The following ZNF804B variants were observed in gnomAD, a reference collection of about 807,000 sequenced individuals.
ZNF804B encodes the protein zinc finger protein 804B.
Under a neutral mutation model 101.4 loss-of-function variants are expected in ZNF804B, and 80 were observed. The ratio of observed to expected loss-of-function variants is 0.79; its 90% confidence interval spans 0.66 to 0.95. ZNF804B has a LOEUF of 0.95. Among genes scored for constraint, ZNF804B ranks in the 40% least tolerant of loss-of-function variants. The pLI, the probability that ZNF804B is intolerant of heterozygous loss-of-function variation, is 0.00. For missense variants in ZNF804B, 1,673 were observed against 1,561.9 expected, an observed-to-expected ratio of 1.07 and a Z score of -1.20; for synonymous variants, 622 against 558.8, an observed-to-expected ratio of 1.11 and a Z score of -1.59.
intron 1 of ZNF804B, among the ~76,000 whole-genome samples, chr7:88,958,180 T>A (rs1318008653): frequency 6.6e-6 from 1 of 151,444 alleles, no homozygotes; most frequent in Non-Finnish European, 1.5e-5. Context: ...TCTAGAATTT[T>A]CCTTAGAAAT....
intron 1 of ZNF804B, among the ~76,000 whole-genome samples, chr7:89,047,596 G>A (rs981231568): frequency 1.3e-5 from 2 of 152,176 alleles, no homozygotes; most frequent in Non-Finnish European, 2.9e-5. Flanking sequence ...GAATGAGGTA[G>A]CCAAATATAA....
intron 1 of ZNF804B, among the ~76,000 whole-genome samples, chr7:88,829,716 C>T: frequency 6.6e-6 from 1 of 151,986 alleles, no homozygotes; most frequent in East Asian, 1.9e-4. Context: ...CTTGTGTAGC[C>T]TGGAAACATT....
chr7:88,776,129 T>C (rs1790136551), intron 1 of ZNF804B, among the ~76,000 whole-genome samples: 1 of 152,176 alleles, frequency 6.6e-6, no homozygotes, highest in African/African-American at 2.4e-5. Flanking sequence ...TTGCAGGCAG[T>C]GAATGAGCTA....
chr7:88,829,720 A>T (rs1488871696), intron 1 of ZNF804B, among the ~76,000 whole-genome samples: 1 of 152,128 alleles, frequency 6.6e-6, no homozygotes, highest in Admixed American at 6.6e-5. Flanking sequence ...TGTAGCCTGG[A>T]AACATTCATT....
At position 89,335,138 on chromosome 7, in the gene ZNF804B, T is replaced by C; in HGVS notation, c.2156T>C (p.Met719Thr). The C allele has an allele frequency of 1.2e-6, 2 of 1,613,890 alleles. No individual in the cohort carries two copies. The change falls in exon 4 of 4, where the codon ATG becomes ACG. Residue 719 changes from methionine to threonine, a missense_variant. Transcript: ENST00000333190. ...SSSLDTSPSS[M>T]SSLRSTCSSH... ...TCTTTGGACACATCCCCTAGCAGCA[T>C]GTCTAGCTTGAGAAGTACTTGTTCA...
At chr7:88,890,102 G>C (rs1218185871) in intron 1 of ZNF804B, among the ~76,000 whole-genome samples, 2 of 152,032 alleles carry the variant, frequency 1.3e-5, no homozygotes, top group African/African-American at 4.8e-5. Context: ...TTTGAATTAG[G>C]AGTAATTTTA....
At chr7:89,155,602 A>G (rs982713809) in intron 1 of ZNF804B, among the ~76,000 whole-genome samples, 1 of 152,130 alleles carries the variant, frequency 6.6e-6, no homozygotes, top group African/African-American at 2.4e-5. Flanking sequence ...TGAATCAGGT[A>G]TGTATCATGG....
intron 1 of ZNF804B, among the ~76,000 whole-genome samples, chr7:88,877,605 T>C (rs1791972870): frequency 6.6e-6 from 1 of 152,092 alleles, no homozygotes; most frequent in Admixed American, 6.6e-5. Flanking sequence ...GATTGTGGCC[T>C]AGTTACTTAG....
At chr7:88,918,440 T>C (rs1792668354) in intron 1 of ZNF804B, among the ~76,000 whole-genome samples, 1 of 152,148 alleles carries the variant, frequency 6.6e-6, no homozygotes, top group South Asian at 2.1e-4. Context: ...ATTTTATGAT[T>C]TTCGCATGAG....
chr7:89,109,036 G>A (rs1001106493), intron 1 of ZNF804B, among the ~76,000 whole-genome samples: 9 of 152,064 alleles, frequency 5.9e-5, no homozygotes, highest in Non-Finnish European at 1.2e-4. Context: ...TCTATTAATA[G>A]GGATGAAGTA....
At chr7:89,230,087 A>G (rs957659277) in intron 2 of ZNF804B, among the ~76,000 whole-genome samples, 2 of 152,138 alleles carry the variant, frequency 1.3e-5, no homozygotes, top group African/African-American at 4.8e-5. Context: ...AAGAAATATC[A>G]AAAATTGATA....
chr7:88,911,686 A>G (rs1792552423), intron 1 of ZNF804B, among the ~76,000 whole-genome samples: 1 of 151,520 alleles, frequency 6.6e-6, no homozygotes, highest in Non-Finnish European at 1.5e-5. Flanking sequence ...AATAAAATGA[A>G]GATCTTAAGT....
intron 2 of ZNF804B, among the ~76,000 whole-genome samples, chr7:89,277,346 A>G (rs1019472047): frequency 2.0e-5 from 3 of 148,262 alleles, no homozygotes; most frequent in Non-Finnish European, 3.0e-5. Context: ...TTATTATTAT[A>G]CTTTAAGTTT....
chr7:89,095,167 C>T (rs6975869), intron 1 of ZNF804B, among the ~76,000 whole-genome samples: 75,844 of 151,822 alleles, frequency 0.5, 19,459 homozygotes, highest in Non-Finnish European at 0.53. Flanking sequence ...ATTAATGAGA[C>T]TAAATGCCCT....
intron 1 of ZNF804B, among the ~76,000 whole-genome samples, chr7:89,214,056 G>T (rs1301007448): frequency 6.6e-6 from 1 of 152,094 alleles, no homozygotes; most frequent in African/African-American, 2.4e-5. Context: ...TTTTTGGTGT[G>T]AAAAAGTACA....
chr7:88,926,943 C>CGCG (rs1554346835), intron 1 of ZNF804B, among the ~76,000 whole-genome samples: 1 of 144,352 alleles, frequency 6.9e-6, no homozygotes, highest in African/African-American at 2.7e-5. Context: ...TGGTGGGGAG[C>CGCG]GGGGGGAAAG....
chr7:89,249,609 T>C (rs1789509333), intron 2 of ZNF804B, among the ~76,000 whole-genome samples: 1 of 151,902 alleles, frequency 6.6e-6, no homozygotes, highest in Non-Finnish European at 1.5e-5. Context: ...TACAATATAC[T>C]AAAAATCTCT....
intron 1 of ZNF804B, among the ~76,000 whole-genome samples, chr7:88,813,056 T>TA (rs1301838667): frequency 2.0e-5 from 3 of 152,116 alleles, no homozygotes; most frequent in Non-Finnish European, 2.9e-5. Context: ...TTACCACAAT[T>TA]AAAAAATGGT....
intron 1 of ZNF804B, among the ~76,000 whole-genome samples, chr7:88,969,608 A>G (rs1299553064): frequency 6.6e-6 from 1 of 151,648 alleles, no homozygotes; most frequent in Non-Finnish European, 1.5e-5. Context: ...GTTTACTTCT[A>G]ACATTAAGTT....
Sources: gnomAD v4.1 joint callset for allele counts (sites outside exome capture counted in the v4.1 genomes callset) on GRCh38, gnomAD v4.1.1 for gene constraint, MANE v1.5 for transcripts, NCBI Gene and HGNC (gene_info 2026-07-23, HGNC 2026-07-21) for gene names.